Variants in SBF2 observed in about 807,000 individuals in gnomAD.
SBF2 encodes myotubularin-related protein 13.
Under a neutral mutation model 225.2 loss-of-function variants are expected in SBF2, and 112 were observed. The observed-to-expected ratio is 0.50, with a 90% CI of 0.43 to 0.58. The LOEUF (loss-of-function observed/expected upper bound fraction) is 0.58, where lower values mean the gene tolerates loss of function less well. SBF2 is among the 20% of genes least tolerant of loss of function. SBF2 has a pLI of 0.00. For synonymous variants in SBF2, 763 were observed against 773.3 expected (o/e 0.99, Z 0.22); for missense variants, 1,996 against 2,206.2 (o/e 0.90, Z 1.91).
intron 32 of SBF2, among the ~76,000 whole-genome samples, chr11:9,798,753 T>C (rs987868644): frequency 6.6e-6 from 1 of 152,162 alleles, no homozygotes; most frequent in African/African-American, 2.4e-5. Context: ...GAGACCATCC[T>C]GGTTAACATG....
chr11:9,890,997 G>T (rs774001891), intron 17 of SBF2, among the ~76,000 whole-genome samples: 2 of 152,128 alleles, frequency 1.3e-5, no homozygotes, highest in African/African-American at 4.8e-5. Flanking sequence ...TTAGCCGGGC[G>T]TGGTGGTGGG....
intron 33 of SBF2, among the ~76,000 whole-genome samples, chr11:9,794,227 G>A (rs570118902): frequency 2.6e-5 from 4 of 151,648 alleles, no homozygotes; most frequent in African/African-American, 7.3e-5. Flanking sequence ...CCCTGCCCAC[G>A]AAACAAAAAA....
chr11:10,109,639 G>A (rs1952740079), intron 2 of SBF2, among the ~76,000 whole-genome samples: 1 of 152,158 alleles, frequency 6.6e-6, no homozygotes, highest in East Asian at 1.9e-4. Context: ...ATTAAAAAAT[G>A]ACTGTTGTTG....
intron 2 of SBF2, among the ~76,000 whole-genome samples, chr11:10,132,100 C>T (rs1565266101): frequency 6.6e-6 from 1 of 152,064 alleles, no homozygotes; most frequent in Non-Finnish European, 1.5e-5. Context: ...TTGCACTGGC[C>T]CCACTTCTGA....
At chr11:10,078,483 C>T (rs1249200052) in intron 2 of SBF2, among the ~76,000 whole-genome samples, 1 of 152,094 alleles carries the variant, frequency 6.6e-6, no homozygotes, top group Non-Finnish European at 1.5e-5. Flanking sequence ...TTTGTAGGGA[C>T]ATGGATGAAA....
intron 1 of SBF2, among the ~76,000 whole-genome samples, chr11:10,231,098 G>C (rs965985773): frequency 1.3e-5 from 2 of 151,912 alleles, no homozygotes; most frequent in Non-Finnish European, 2.9e-5. Flanking sequence ...CCAGTTGATC[G>C]AATCGGCTAC....
At chr11:10,213,195 C>A (rs765909420) in intron 1 of SBF2, among the ~76,000 whole-genome samples, 1 of 152,216 alleles carries the variant, frequency 6.6e-6, no homozygotes, top group Non-Finnish European at 1.5e-5. Flanking sequence ...GCCAGCATTT[C>A]TCTCACTGTT....
chr11:9,858,425 T>C (rs1183752074), intron 17 of SBF2, 29 bp from the exon 18 acceptor site: 1 of 1,612,200 alleles, frequency 6.2e-7, no homozygotes, highest in South Asian at 1.1e-5. Flanking sequence ...TACATCATCA[T>C]GGGGCTGGCA....
intron 2 of SBF2, among the ~76,000 whole-genome samples, chr11:10,084,632 T>C (rs1391698694): frequency 1.3e-5 from 2 of 152,212 alleles, no homozygotes; most frequent in Non-Finnish European, 1.5e-5. Context: ...CCTGCACTTA[T>C]GTATGTTTAT....
chr11:10,274,194 T>C (rs1962772578), intron 1 of SBF2, among the ~76,000 whole-genome samples: 1 of 152,182 alleles, frequency 6.6e-6, no homozygotes, highest in South Asian at 2.1e-4. Flanking sequence ...AACTGGAGCT[T>C]TGAGTTCAAG....
chr11:10,033,067 A>G (rs755428994), intron 3 of SBF2, among the ~76,000 whole-genome samples: 6 of 152,198 alleles, frequency 3.9e-5, no homozygotes, highest in Non-Finnish European at 8.8e-5. Context: ...AAAGATTTTC[A>G]TTTATTACAA....
At chr11:9,882,795 C>CAAAAAAAAAAA (rs56699466) in intron 17 of SBF2, among the ~76,000 whole-genome samples, 3 of 90,094 alleles carry the variant, frequency 3.3e-5, no homozygotes, top group African/African-American at 3.3e-5. Flanking sequence ...GTGACAGAGT[C>CAAAAAAAAAAA]AAAAAAAAAA....
chr11:10,182,317 G>C (rs1037452177), intron 2 of SBF2, among the ~76,000 whole-genome samples: 2 of 152,294 alleles, frequency 1.3e-5, no homozygotes, highest in South Asian at 4.1e-4. Flanking sequence ...GACCTAGAGA[G>C]ATGGTGTTCT....
chr11:9,864,249 G>C (rs1857997108), intron 17 of SBF2, among the ~76,000 whole-genome samples: 2 of 152,148 alleles, frequency 1.3e-5, no homozygotes, highest in African/African-American at 2.4e-5. Flanking sequence ...CTTAAACTCA[G>C]AATGGTCTAT....
intron 1 of SBF2, among the ~76,000 whole-genome samples, chr11:10,255,880 A>C (rs1426801878): frequency 1.3e-5 from 2 of 152,254 alleles, no homozygotes; most frequent in African/African-American, 4.8e-5. Context: ...ACTATGTCAA[A>C]ACAGGAAAGA....
At chr11:10,080,647 C>T (rs1002799631) in intron 2 of SBF2, among the ~76,000 whole-genome samples, 4 of 151,902 alleles carry the variant, frequency 2.6e-5, no homozygotes, top group African/African-American at 7.2e-5. Context: ...TGATTAAATG[C>T]TCTACTTAAA....
intron 2 of SBF2, among the ~76,000 whole-genome samples, chr11:10,065,675 G>T (rs1950599818): frequency 6.6e-6 from 1 of 152,174 alleles, no homozygotes; most frequent in East Asian, 1.9e-4. Flanking sequence ...CTACTGGCCA[G>T]GCACAGTGAC....
intron 35 of SBF2, 196 bp from the exon 36 acceptor site, chr11:9,787,934 C>T: frequency 6.5e-6 from 4 of 617,794 alleles, no homozygotes; most frequent in South Asian, 5.7e-5. Flanking sequence ...CGTACTGTGG[C>T]AAAGATGGTT....
intron 22 of SBF2, among the ~76,000 whole-genome samples, chr11:9,848,978 T>C (rs2133979149): frequency 6.6e-6 from 1 of 152,352 alleles, no homozygotes; most frequent in Admixed American, 6.5e-5. Context: ...GTCCAACCAA[T>C]GAGTAGCACA....
Sources: gnomAD v4.1 joint callset for allele counts (sites outside exome capture counted in the v4.1 genomes callset) on GRCh38, gnomAD v4.1.1 for gene constraint, MANE v1.5 for transcripts, NCBI Gene and HGNC (gene_info 2026-07-23, HGNC 2026-07-21) for gene names.